The following PDE4D variants were observed in gnomAD, a reference collection of about 807,000 sequenced individuals.
The protein encoded by PDE4D is 3',5'-cyclic-AMP phosphodiesterase 4D.
A neutral mutation model predicts 87.4 loss-of-function variants in PDE4D; 24 were observed. That is an observed-to-expected ratio of 0.27 (90% CI 0.20 to 0.39). The LOEUF (loss-of-function observed/expected upper bound fraction) is 0.39. Among genes scored for constraint, PDE4D ranks in the 10% least tolerant of loss-of-function variants. The pLI, the probability that PDE4D is intolerant of heterozygous loss-of-function variation, is 1.00. For missense variants in PDE4D, 714 were observed against 1,041.0 expected, an observed-to-expected ratio of 0.69 and a Z score of 4.32; for synonymous variants, 384 against 383.2, an observed-to-expected ratio of 1.00 and a Z score of -0.02.
intron 5 of PDE4D, among the ~76,000 whole-genome samples, chr5:59,113,694 A>G (rs10064468): frequency 0.19 from 29,401 of 152,150 alleles, 4,321 homozygotes; most frequent in African/African-American, 0.41. Flanking sequence ...TAGGTGACCA[A>G]TCTTGGAAAC....
intron 1 of PDE4D, among the ~76,000 whole-genome samples, chr5:59,616,945 A>ATATATATATATATATATATATATATCTC (rs936160133): frequency 7.3e-6 from 1 of 137,262 alleles, no homozygotes; most frequent in African/African-American, 2.6e-5. Flanking sequence ...ATATATATAT[A>ATATATATATATATATATATATATATCTC]TCTCCAAGAT....
intron 1 of PDE4D, among the ~76,000 whole-genome samples, chr5:59,266,648 C>T (rs1762904815): frequency 6.6e-6 from 1 of 151,772 alleles, no homozygotes; most frequent in Non-Finnish European, 1.5e-5. Flanking sequence ...CGGTTGGAGG[C>T]TTGTATACAA....
In PDE4D at chr5:59,848,544, G is replaced by A. The variant is rs577136503; in HGVS notation, c.455+44624C>T. Among the ~76,000 whole-genome samples the A allele has an allele frequency of 5.9e-5, 9 of 151,742 alleles. No individual in the cohort carries two copies. The East Asian group carries it at 1.2e-3, about 20-fold the overall frequency. ...ACATAGCAAAATACCTTTCTAATGCGATTAAATGCAGATTATCAAACTGCA... is the reference window on the plus strand; with the variant it reads ...ACATAGCAAAATACCTTTCTAATGCAATTAAATGCAGATTATCAAACTGCA... On this transcript the variant is annotated intron_variant, in intron 1 of 14. Transcript: ENST00000340635.
chr5:59,423,868 C>T (rs1794833956), intron 1 of PDE4D, among the ~76,000 whole-genome samples: 2 of 148,808 alleles, frequency 1.3e-5, no homozygotes, highest in African/African-American at 2.5e-5. Flanking sequence ...AGCATGGAAG[C>T]GTCATGATGG....
chr5:59,440,975 G>A (rs755981434), intron 1 of PDE4D, among the ~76,000 whole-genome samples: 18 of 152,258 alleles, frequency 1.2e-4, no homozygotes, highest in South Asian at 2.1e-4. Flanking sequence ...TTTAAATATC[G>A]AAAATTTAAA....
chr5:59,202,227 A>G (rs1561697613), intron 2 of PDE4D, among the ~76,000 whole-genome samples: 1 of 151,808 alleles, frequency 6.6e-6, no homozygotes, highest in African/African-American at 2.4e-5. Flanking sequence ...TTTTTAGTAG[A>G]GACAGGATTT....
chr5:59,996,556 T>C (rs1763544206), intron 2 of PDE4D, among the ~76,000 whole-genome samples: 1 of 152,196 alleles, frequency 6.6e-6, no homozygotes, highest in Admixed American at 6.5e-5. Context: ...TTGTTAATAA[T>C]GCACTAAAGC....
chr5:60,505,127 A>G (rs1750266749), intron 1 of PDE4D, among the ~76,000 whole-genome samples: 2 of 152,370 alleles, frequency 1.3e-5, no homozygotes, highest in Admixed American at 6.5e-5. Flanking sequence ...GAGAGGAAAC[A>G]CTGTAAGACT....
chr5:59,812,732 A>C (rs1768508144), intron 1 of PDE4D, among the ~76,000 whole-genome samples: 1 of 152,186 alleles, frequency 6.6e-6, no homozygotes, highest in South Asian at 2.1e-4. Flanking sequence ...ATAAAACTAA[A>C]TCCAGTTTAT....
intron 1 of PDE4D, among the ~76,000 whole-genome samples, chr5:59,759,913 T>G (rs1761766372): frequency 6.6e-6 from 1 of 152,124 alleles, no homozygotes; most frequent in Non-Finnish European, 1.5e-5. Context: ...AGAGAAAAGA[T>G]AACCTTAAAG....
chr5:59,936,167 C>T (rs534242005), intron 3 of PDE4D, among the ~76,000 whole-genome samples: 14 of 151,890 alleles, frequency 9.2e-5, no homozygotes, highest in Admixed American at 5.2e-4. Context: ...ACAATGAGAA[C>T]ACATGGACAC....
chr5:59,381,509 A>T (rs992184262), intron 1 of PDE4D, among the ~76,000 whole-genome samples: 1 of 151,398 alleles, frequency 6.6e-6, no homozygotes, highest in Non-Finnish European at 1.5e-5. Context: ...TAAAGTAAAC[A>T]TACCGTTTAT....
intron 2 of PDE4D, among the ~76,000 whole-genome samples, chr5:60,048,423 T>G (rs759494471): frequency 6.6e-6 from 1 of 152,204 alleles, no homozygotes; most frequent in Non-Finnish European, 1.5e-5. Flanking sequence ...GTTAGCTGGC[T>G]ATTTTGCTCG....
At chr5:59,609,377 T>TACACACAGACACAC (rs1554041696) in intron 1 of PDE4D, among the ~76,000 whole-genome samples, 3 of 147,584 alleles carry the variant, frequency 2.0e-5, no homozygotes, top group Non-Finnish European at 4.5e-5. Flanking sequence ...TTTGTATATG[T>TACACACAGACACAC]ACACACACAC....
chr5:59,406,366 C>T (rs1248194487), intron 1 of PDE4D, among the ~76,000 whole-genome samples: 5 of 143,002 alleles, frequency 3.5e-5, no homozygotes, highest in African/African-American at 1.0e-4. Flanking sequence ...TTGCTTGTAA[C>T]GTCTCCCTTA....
chr5:59,032,776 T>C (rs868525621), intron 6 of PDE4D, among the ~76,000 whole-genome samples: 1 of 152,360 alleles, frequency 6.6e-6, no homozygotes, highest in Middle Eastern at 3.4e-3. Flanking sequence ...TGTGTGCTAA[T>C]GCACCAAACG....
At chr5:59,698,235 A>G (rs553706486) in intron 1 of PDE4D, among the ~76,000 whole-genome samples, 3 of 152,248 alleles carry the variant, frequency 2.0e-5, no homozygotes, top group Non-Finnish European at 4.4e-5. Context: ...TTTAGGGACA[A>G]GATAAAGTCT....
At chr5:59,695,239 T>G (rs1235489378) in intron 1 of PDE4D, among the ~76,000 whole-genome samples, 2 of 151,768 alleles carry the variant, frequency 1.3e-5, no homozygotes, top group African/African-American at 4.8e-5. Flanking sequence ...TTTATTCCAG[T>G]GTGAGTCTTC....
intron 1 of PDE4D, among the ~76,000 whole-genome samples, chr5:59,228,996 C>CT (rs879691247): frequency 0.015 from 2,225 of 145,686 alleles, 32 homozygotes; most frequent in African/African-American, 0.046. Context: ...ACCTCCTAAC[C>CT]TTTTTTTTTT....
Sources: allele counts gnomAD v4.1 joint callset (sites outside exome capture counted in the v4.1 genomes callset), GRCh38; gene constraint gnomAD v4.1.1; transcripts MANE v1.5; gene names NCBI Gene and HGNC (gene_info 2026-07-23, HGNC 2026-07-21).